The following SCAP variants were observed in gnomAD, a reference collection of about 807,000 sequenced individuals.
The protein encoded by SCAP is sterol regulatory element-binding protein cleavage-activating protein.
In SCAP, 65 loss-of-function variants were observed where a neutral mutation model predicts 123.6. The ratio of observed to expected loss-of-function variants is 0.53; its 90% CI spans 0.43 to 0.65. The LOEUF is 0.65. SCAP is among the 30% of genes least tolerant of loss of function. The probability of loss-of-function intolerance (pLI) is 0.00; values close to 1 mark genes in which losing one functional copy is unlikely to be tolerated. For missense variants in SCAP, 1,398 were observed against 1,712.5 expected (o/e 0.82, Z 3.24); for synonymous variants, 740 against 726.3 (o/e 1.02, Z -0.30).
At chr3:47,435,469 T>TACACACACACACACACACACACAC (rs57702290) in intron 2 of SCAP, among the ~76,000 whole-genome samples, 5 of 91,908 alleles carry the variant, frequency 5.4e-5, no homozygotes, top group African/African-American at 1.7e-4. Flanking sequence ...AATATAAACA[T>TACACACACACACACACACACACAC]ACACACACAC....
intron 2 of SCAP, among the ~76,000 whole-genome samples, chr3:47,435,517 CAG>C (rs1706544146): frequency 7.1e-6 from 1 of 140,800 alleles, no homozygotes; most frequent in African/African-American, 2.6e-5. Context: ...CACACACACA[CAG>C]ATAGATAGGC....
chr3:47,465,841 CAA>C (rs79594451), intron 1 of SCAP, among the ~76,000 whole-genome samples: 14 of 146,366 alleles, frequency 9.6e-5, no homozygotes, highest in East Asian at 2.0e-4. Flanking sequence ...TTTAAAAAAA[CAA>C]AAAAAAAAAA....
At chr3:47,470,251 T>C (rs1707980884) in intron 1 of SCAP, among the ~76,000 whole-genome samples, 1 of 152,202 alleles carries the variant, frequency 6.6e-6, no homozygotes, top group African/African-American at 2.4e-5. Flanking sequence ...CCAATGGTTA[T>C]ATGTAGGCTC....
chr3:47,446,931 G>A (rs540565523), intron 1 of SCAP, among the ~76,000 whole-genome samples: 2 of 152,158 alleles, frequency 1.3e-5, no homozygotes, highest in African/African-American at 4.8e-5. Context: ...GCAACAGAGC[G>A]AGACTGTGTC....
intron 16 of SCAP, 131 bp from the exon 17 acceptor site, chr3:47,417,957 C>CGGGGTGGGGAGAGGGGGGTACGGG: frequency 3.6e-6 from 1 of 280,614 alleles, no homozygotes. Flanking sequence ...GAGGGTGGTG[C>CGGGGTGGGGAGAGGGGGGTACGGG]GGGGTGGGGA....
In SCAP at chr3:47,428,535, G is replaced by C. The variant is rs368868479; in HGVS notation, c.388C>G (p.Arg130Gly). 1.2e-6 allele frequency: 2 copies of C among 1,613,980 alleles called. No homozygotes were observed. The highest frequency in any genetic ancestry group is 1.7e-6 in the Non-Finnish European group (2 of 1,180,020). ...TACCTGTCTCTCAGCACGTGGTTCC[G>C]GATCTCCTCCACCAGTTGGAATGCC... ...SRAFQLVEEIRNHVLRDSSGI... is the reference protein window; with the variant it reads ...SRAFQLVEEIGNHVLRDSSGI... Residue 130 changes from arginine to glycine, a missense_variant, in exon 4 of 23, where the codon CGG becomes GGG. By Grantham distance (125) the Arg-to-Gly change is moderately radical (BLOSUM62 -2). Transcript: ENST00000265565.
chr3:47,426,300 G>GC, intron 6 of SCAP, 131 bp from the exon 7 acceptor site: 1 of 893,526 alleles, frequency 1.1e-6, no homozygotes, highest in East Asian at 2.8e-5. Context: ...TCTCTATGGT[G>GC]CCTGAGCTTC....
rs146882666 is a variant in SCAP at position 47,449,995 on chromosome 3, G to A, written c.-98-6904C>T. Among the ~76,000 whole-genome samples, 45 of 124,688 alleles carry A rather than the reference G, an allele frequency of 3.6e-4. 8 individuals are homozygous for A. The highest frequency in any genetic ancestry group is 1.1e-3 in the African/African-American group (42 of 36,620). 81.8% of individuals were successfully genotyped at this position (124,688 alleles called of 152,430 possible). ...CATTTCAGGATTCTTTGCCTTCAAAGAAACTTTTTTTTCTTTTTTTGAGAT... is the reference window on the plus strand; with the variant it reads ...CATTTCAGGATTCTTTGCCTTCAAAAAAACTTTTTTTTCTTTTTTTGAGAT... On this transcript the variant is annotated intron_variant, in intron 1 of 22. Coordinates refer to ENST00000265565, the MANE Select transcript of SCAP (RefSeq NM_012235.4).
At chr3:47,447,505 T>C (rs1173015703) in intron 1 of SCAP, among the ~76,000 whole-genome samples, 1 of 151,596 alleles carries the variant, frequency 6.6e-6, no homozygotes, top group African/African-American at 2.4e-5. Context: ...CTAGCCAATA[T>C]GGTGAAACCT....
chr3:47,430,122 G>C (rs1468169325), intron 3 of SCAP, among the ~76,000 whole-genome samples: 2 of 152,164 alleles, frequency 1.3e-5, no homozygotes, highest in Non-Finnish European at 2.9e-5. Context: ...AAGATTAGCA[G>C]AAATATTAAC....
intron 1 of SCAP, among the ~76,000 whole-genome samples, chr3:47,464,729 A>G (rs1030317015): frequency 3.3e-5 from 5 of 152,198 alleles, no homozygotes; most frequent in African/African-American, 9.6e-5. Flanking sequence ...TATTTAATCC[A>G]GTACTGAAAA....
At chr3:47,433,974 C>G (rs978969693) in intron 3 of SCAP, among the ~76,000 whole-genome samples, 40 of 152,216 alleles carry the variant, frequency 2.6e-4, no homozygotes, top group African/African-American at 7.0e-4. Context: ...AGCCACAAAA[C>G]TGGTTTCACC....
At chr3:47,471,198 AG>A (rs1708013071) in intron 1 of SCAP, among the ~76,000 whole-genome samples, 1 of 152,204 alleles carries the variant, frequency 6.6e-6, no homozygotes, top group Non-Finnish European at 1.5e-5. Context: ...TGAGTACAGA[AG>A]AGGAGGCAGG....
chr3:47,448,002 CAAAAAAAAAAA>C (rs35075035), intron 1 of SCAP, among the ~76,000 whole-genome samples: 5 of 66,308 alleles, frequency 7.5e-5, no homozygotes, highest in African/African-American at 2.0e-4. Context: ...GACTCCGTCT[CAAAAAAAAAAA>C]AAAAAAAAAA....
At position 47,414,198 on chromosome 3, in the gene SCAP, C is replaced by T. The variant is rs151014440; in HGVS notation, c.3576G>A (p.Lys1192=). 5.9e-3 allele frequency: 9,554 copies of T among 1,613,752 alleles called. 42 individuals carry two copies. The highest frequency in any genetic ancestry group is 7.2e-3 in the Non-Finnish European group (8,516 of 1,180,018). ...CCTCTACCTGCTGAATGGAGTAGAACTTGATGCCTGTGCTGCGGTCCCAGA... is the reference window on the plus strand; with the variant it reads ...CCTCTACCTGCTGAATGGAGTAGAATTTGATGCCTGTGCTGCGGTCCCAGA... ...ISIWDRSTGI[K]FYSIQQDLGC... is the part of the protein sequence containing the mutation. The change falls in exon 22 of 23, where the codon AAG becomes AAA. Residue 1192 remains lysine, a synonymous_variant. Transcript: ENST00000265565.
At position 47,422,510 on chromosome 3, in the gene SCAP, T is replaced by G. The variant is rs1240221818; in HGVS notation, c.1177A>C (p.Met393Leu). ...QGLSSESWSI[M>L]KNMATELGII... The stretch of plus-strand genomic sequence containing the variant: ...CCCAGCTCCGTGGCCATGTTCTTCA[T>G]GATGGACCAGCTCTCGCTGCTTAGG... Residue 393 changes from methionine to leucine, a missense_variant, in exon 10 of 23, where the codon ATG (methionine) becomes CTG (leucine). Physicochemically the swap from Met to Leu is conservative, Grantham distance 15. Around this residue, in one of 7 missense-constraint regions of SCAP, gnomAD observed 66 missense variants for 116.3 expected, o/e 0.57. Coordinates refer to ENST00000265565, the MANE Select transcript of SCAP (RefSeq NM_012235.4). 3 of 1,613,562 alleles carry G rather than the reference T, an allele frequency of 1.9e-6. No individual in the cohort carries two copies. Among genetic ancestry groups the G allele is most frequent in the Non-Finnish European group, 2.5e-6 (3 of 1,179,694 alleles).
Position 47,439,046 on chromosome 3 carries a change from T to C in SCAP, c.122+3826A>G, listed in dbSNP as rs1278390163. Among the ~76,000 whole-genome samples the C allele has an allele frequency of 6.6e-6, 1 of 152,166 alleles. No individual in the cohort carries two copies. The highest frequency in any genetic ancestry group is 2.4e-5 in the African/African-American group (1 of 41,430). On this transcript the variant is annotated intron_variant, in intron 2 of 22. Transcript: ENST00000265565. This position sits in a 1 kb window ranked among gnomAD's most constrained non-coding sequence, Gnocchi z 4.0. ...ATTCTAAGCACTTGATATGTACAGA[T>C]ACATCTTGACTTACGATGGGGTTAT... is the stretch of plus-strand genomic sequence containing the variant.
chr3:47,421,275 C>A, intron 10 of SCAP: 1 of 514,044 alleles, frequency 1.9e-6, no homozygotes, highest in South Asian at 2.0e-5. Flanking sequence ...GGGGAAGTAC[C>A]TTCCCTGAAT....
Position 47,414,220 on chromosome 3 carries a change from C to G in SCAP, c.3554G>C (p.Trp1185Ser). The change falls in exon 22 of 23, where the codon TGG becomes TCG. Residue 1185 changes from tryptophan (W) to serine (S), a missense_variant. Physicochemically the swap from Trp to Ser is radical, Grantham distance 177. This residue lies in a region of SCAP where 130 missense variants were observed against 166.7 expected (regional missense o/e 0.78). Coordinates refer to ENST00000265565, the MANE Select transcript of SCAP (RefSeq NM_012235.4). ...SSGLDDLISIWDRSTGIKFYS... is the reference protein window; with the variant it reads ...SSGLDDLISISDRSTGIKFYS... ...GAACTTGATGCCTGTGCTGCGGTCC[C>G]AGATGCTGATGAGGTCATCCAGGCC... The G allele has an allele frequency of 6.2e-7, 1 of 1,613,750 alleles. No individual in the cohort carries two copies.
Sources: allele counts gnomAD v4.1 joint callset (sites outside exome capture counted in the v4.1 genomes callset), GRCh38; gene constraint gnomAD v4.1.1; regional missense constraint gnomAD v4.1.1; non-coding constraint Gnocchi (gnomAD v3.1); transcripts MANE v1.5; gene names NCBI Gene and HGNC (gene_info 2026-07-23, HGNC 2026-07-21).